TTC29: variants seen among roughly 807,000 people sequenced by gnomAD.
TTC29 encodes the protein tetratricopeptide repeat domain 29.
A neutral mutation model predicts 58.1 loss-of-function variants in TTC29; 49 were observed. The ratio of observed to expected loss-of-function variants is 0.84; its 90% CI spans 0.67 to 1.07. The LOEUF is 1.07. TTC29 is among the 50% of genes least tolerant of loss of function. TTC29 has a pLI of 0.00. For missense variants in TTC29, 582 were observed against 555.6 expected (o/e 1.05, Z -0.48); for synonymous variants, 209 against 196.8 (o/e 1.06, Z -0.52).
intron 11 of TTC29, among the ~76,000 whole-genome samples, chr4:146,717,381 G>T (rs1414774429): frequency 1.3e-5 from 2 of 151,986 alleles, no homozygotes; most frequent in Non-Finnish European, 2.9e-5. Context: ...CAGTTCAAGC[G>T]ATTCTTCTGT....
intron 10 of TTC29, among the ~76,000 whole-genome samples, chr4:146,813,259 T>A (rs1241073833): frequency 2.6e-5 from 4 of 152,346 alleles, no homozygotes; most frequent in East Asian, 1.9e-4. Context: ...CCATTCTTTT[T>A]AACTATGTCA....
chr4:146,794,035 A>T (rs1749658111), intron 11 of TTC29, among the ~76,000 whole-genome samples: 1 of 152,204 alleles, frequency 6.6e-6, no homozygotes, highest in Admixed American at 6.5e-5. Context: ...AGATTCATGT[A>T]AGTAATGATA....
At chr4:146,793,795 AAG>A (rs976832320) in intron 11 of TTC29, among the ~76,000 whole-genome samples, 9 of 152,184 alleles carry the variant, frequency 5.9e-5, no homozygotes, top group African/African-American at 2.2e-4. Flanking sequence ...TTTTTTAAAA[AAG>A]AAAAATTCCT....
intron 11 of TTC29, among the ~76,000 whole-genome samples, chr4:146,747,275 C>T (rs1020934434): frequency 4.6e-5 from 7 of 152,132 alleles, no homozygotes; most frequent in African/African-American, 1.7e-4. Flanking sequence ...CTGCTCTGTA[C>T]CATCTTGATA....
intron 11 of TTC29, among the ~76,000 whole-genome samples, chr4:146,737,493 C>A (rs1273070673): frequency 6.7e-6 from 1 of 150,368 alleles, no homozygotes; most frequent in African/African-American, 2.4e-5. Context: ...TTCTGATTCC[C>A]AGCGAGAGAG....
intron 11 of TTC29, among the ~76,000 whole-genome samples, chr4:146,735,484 C>T (rs937454425): frequency 1.3e-5 from 2 of 152,120 alleles, no homozygotes; most frequent in African/African-American, 2.4e-5. Context: ...AATGGGTATA[C>T]ATGGTCAAAA....
At chr4:146,942,056 C>G (rs1420823558) in intron 2 of TTC29, among the ~76,000 whole-genome samples, 1 of 152,124 alleles carries the variant, frequency 6.6e-6, no homozygotes, top group Non-Finnish European at 1.5e-5. Context: ...AAATAGACAG[C>G]TTTGTGTTAC....
chr4:146,769,257 T>A (rs968609973), intron 11 of TTC29, among the ~76,000 whole-genome samples: 1 of 152,008 alleles, frequency 6.6e-6, no homozygotes, highest in Non-Finnish European at 1.5e-5. Context: ...GCTGTAGTGA[T>A]TGCGAATATT....
At chr4:146,906,411 A>G (rs1013253097) in intron 5 of TTC29, among the ~76,000 whole-genome samples, 1 of 152,192 alleles carries the variant, frequency 6.6e-6, no homozygotes, top group African/African-American at 2.4e-5. Flanking sequence ...GGTTCTTCCA[A>G]TGAGAAGCAA....
intron 8 of TTC29, among the ~76,000 whole-genome samples, chr4:146,840,567 T>C (rs2150168289): frequency 6.6e-6 from 1 of 152,244 alleles, no homozygotes; most frequent in Non-Finnish European, 1.5e-5. Context: ...ATTACATAAA[T>C]ACTGAGTGTC....
chr4:146,812,121 T>G (rs1175971124), intron 10 of TTC29, among the ~76,000 whole-genome samples: 1 of 152,114 alleles, frequency 6.6e-6, no homozygotes, highest in East Asian at 1.9e-4. Context: ...ATATTACAAA[T>G]ATTGAAGATG....
chr4:146,841,020 TC>T (rs1317754321), intron 8 of TTC29, among the ~76,000 whole-genome samples: 1 of 152,198 alleles, frequency 6.6e-6, no homozygotes, highest in Admixed American at 6.6e-5. Context: ...GAACAAACTT[TC>T]AAATGGCAAT....
chr4:146,923,726 A>T (rs1433033361), intron 4 of TTC29, among the ~76,000 whole-genome samples: 4 of 151,872 alleles, frequency 2.6e-5, no homozygotes, highest in African/African-American at 9.7e-5. Flanking sequence ...TAACATATGA[A>T]CTTAACACAA....
intron 4 of TTC29, among the ~76,000 whole-genome samples, chr4:146,918,190 T>C (rs895706661): frequency 2.6e-5 from 4 of 151,042 alleles, no homozygotes; most frequent in African/African-American, 9.7e-5. Context: ...ATAGTCAGAA[T>C]TTCAACATTT....
intron 8 of TTC29, among the ~76,000 whole-genome samples, chr4:146,863,053 T>G (rs1163632788): frequency 1.4e-5 from 2 of 143,966 alleles, no homozygotes; most frequent in African/African-American, 5.2e-5. Context: ...ACCTGGGAGG[T>G]GGAGCTTGCA....
chr4:146,756,578 A>T (rs1238099449), intron 11 of TTC29, among the ~76,000 whole-genome samples: 2 of 152,096 alleles, frequency 1.3e-5, no homozygotes, highest in Non-Finnish European at 2.9e-5. Flanking sequence ...TTCAATACAA[A>T]CTAACCCAGG....
intron 7 of TTC29, among the ~76,000 whole-genome samples, chr4:146,873,274 C>T (rs1391631907): frequency 1.3e-5 from 2 of 152,044 alleles, no homozygotes; most frequent in African/African-American, 2.4e-5. Context: ...GAATATTTAC[C>T]CTCTTTAAGA....
At chr4:146,849,041 G>A (rs1435553121) in intron 8 of TTC29, among the ~76,000 whole-genome samples, 2 of 152,138 alleles carry the variant, frequency 1.3e-5, no homozygotes, top group African/African-American at 2.4e-5. Flanking sequence ...TACTCACTGC[G>A]AGTCTGGAGA....
intron 4 of TTC29, among the ~76,000 whole-genome samples, chr4:146,937,365 A>G (rs1253770512): frequency 2.0e-5 from 3 of 152,056 alleles, no homozygotes; most frequent in Admixed American, 6.5e-5. Flanking sequence ...TGCAAATGTG[A>G]TAGTATAATA....
Sources: allele counts gnomAD v4.1 joint callset (sites outside exome capture counted in the v4.1 genomes callset), GRCh38; gene constraint gnomAD v4.1.1; transcripts MANE v1.5; gene names NCBI Gene and HGNC (gene_info 2026-07-23, HGNC 2026-07-21).